Variants in RRP1B observed in about 807,000 individuals in gnomAD.
The protein encoded by RRP1B is ribosomal RNA processing 1B.
RRP1B carries 56 observed loss-of-function variants against 80.2 expected under a neutral mutation model. That is an observed-to-expected ratio of 0.70 (90% CI 0.56 to 0.87). The LOEUF (loss-of-function observed/expected upper bound fraction) is 0.87. RRP1B is among the 40% of genes least tolerant of loss of function. The pLI is 0.00. For synonymous variants in RRP1B, 351 were observed against 357.6 expected, an observed-to-expected ratio of 0.98 and a Z score of 0.21; for missense variants, 807 against 939.8, an observed-to-expected ratio of 0.86 and a Z score of 1.85.
chr21:43,664,037 C>T (rs1190676443), intron 1 of RRP1B, among the ~76,000 whole-genome samples: 1 of 152,144 alleles, frequency 6.6e-6, no homozygotes, highest in African/African-American at 2.4e-5. Context: ...CAGTAATGAG[C>T]ATTTCTCTCT....
rs1278250275 is a variant in RRP1B at position 43,687,855 on chromosome 21, C to T, written c.1481C>T (p.Pro494Leu). Residue 494 changes from proline (P) to leucine (L), a missense_variant, in exon 13 of 16, where the codon CCA (proline) becomes CTA (leucine). Transcript: ENST00000340648. ...REMLESAVLP[P>L]EDMSQSGPSG... ...ATGTTGGAATCAGCAGTGTTGCCCC[C>T]AGAGGACATGTCTCAGAGTGGCCCG... is the stretch of plus-strand genomic sequence containing the variant. 2.5e-6 allele frequency: 4 copies of T among 1,613,334 alleles called. No individual in the cohort carries two copies. In the Admixed American group the frequency reaches 6.7e-5, roughly 27 times the overall value.
chr21:43,690,776 C>G (rs1377455566), intron 14 of RRP1B, among the ~76,000 whole-genome samples: 1 of 152,204 alleles, frequency 6.6e-6, no homozygotes, highest in Non-Finnish European at 1.5e-5. Context: ...GAGGTCCACA[C>G]AGAAATGTGG....
rs1452121652 is a variant in RRP1B, at chr21:43,696,034, T to C, written c.*2651T>C. The C allele has an allele frequency of 6.6e-6, 1 of 152,176 alleles. No homozygotes were observed. The highest frequency in any genetic ancestry group is 1.5e-5 in the Non-Finnish European group (1 of 68,040). 9.4% of individuals were successfully genotyped at this position (152,176 alleles called of 1,614,324 possible). A position where few individuals can be genotyped will look rare whatever the true frequency, so the allele number is the denominator to read the frequency against. On this transcript the variant is annotated 3_prime_UTR_variant, in exon 16 of 16. Transcript: ENST00000340648. ...TAGTGTCTGCAGGGTTTGTCAGTAC[T>C]CGTCAAAGCCAAGTCCAATTAAAAA...
At chr21:43,661,440 C>T (rs1252153980) in intron 1 of RRP1B, among the ~76,000 whole-genome samples, 1 of 152,200 alleles carries the variant, frequency 6.6e-6, no homozygotes, top group Non-Finnish European at 1.5e-5. Flanking sequence ...CAGATTCCAG[C>T]CGGACACACG....
intron 1 of RRP1B, among the ~76,000 whole-genome samples, chr21:43,664,327 C>CA (rs11351123): frequency 7.3e-4 from 75 of 103,298 alleles, no homozygotes; most frequent in South Asian, 1.3e-3. Flanking sequence ...AACTCCGTCT[C>CA]AAAAAAAAAA....
intron 8 of RRP1B, among the ~76,000 whole-genome samples, chr21:43,681,893 G>A (rs375345578): frequency 2.0e-5 from 3 of 152,312 alleles, no homozygotes; most frequent in East Asian, 3.9e-4. Context: ...TGAGGCTGCC[G>A]TGAATCATGA....
rs752055404 is a variant in RRP1B at position 43,683,276 on chromosome 21, C to T, written c.797-3C>T. ...AATTTGGTCTTTGGGTATATTTTGA[C>T]AGCACTGGGCAAAAACCATTCCAGA... On this transcript the variant is annotated splice_polypyrimidine_tract_variant and splice_region_variant and intron_variant, in intron 8 of 15. Coordinates refer to ENST00000340648, the MANE Select transcript of RRP1B (RefSeq NM_015056.3). The T allele has an allele frequency of 1.9e-6, 3 of 1,612,922 alleles. No homozygotes were observed. Among genetic ancestry groups the T allele is most frequent in the African/African-American group, 2.7e-5 (2 of 74,868 alleles).
chr21:43,688,288 C>T (rs780132919), intron 13 of RRP1B, 48 bp downstream of exon 13: 21 of 1,479,778 alleles, frequency 1.4e-5, no homozygotes, highest in African/African-American at 2.8e-5. Context: ...GGCACTCACT[C>T]GCGTCCATGG....
intron 9 of RRP1B, among the ~76,000 whole-genome samples, chr21:43,684,157 T>C (rs2083054252): frequency 6.6e-6 from 1 of 150,386 alleles, no homozygotes; most frequent in South Asian, 2.1e-4. Flanking sequence ...CTGCAAGCTC[T>C]GCCTCCTGAG....
chr21:43,687,069 G>A, intron 12 of RRP1B, 134 bp downstream of exon 12: 3 of 1,042,872 alleles, frequency 2.9e-6, no homozygotes, highest in African/African-American at 1.6e-5. Context: ...TTTAATGGCT[G>A]AGAGGTAAAG....
At chr21:43,690,558 C>T in intron 14 of RRP1B, 118 bp downstream of exon 14, 1 of 1,139,754 alleles carries the variant, frequency 8.8e-7, no homozygotes, top group African/African-American at 1.5e-5. Context: ...TGAGCCTGTC[C>T]ACAGTGGACA....
chr21:43,690,868 G>A (rs2083083442), intron 14 of RRP1B, among the ~76,000 whole-genome samples: 1 of 152,212 alleles, frequency 6.6e-6, no homozygotes, highest in African/African-American at 2.4e-5. Flanking sequence ...GAAGATAGTT[G>A]ATTGTGGTGA....
chr21:43,671,143 G>A (rs980970428), intron 2 of RRP1B, among the ~76,000 whole-genome samples: 1 of 152,132 alleles, frequency 6.6e-6, no homozygotes, highest in African/African-American at 2.4e-5. Context: ...TCTCCCCAGA[G>A]TGAGCCTGCT....
chr21:43,693,261 C>T lies in RRP1B; in HGVS notation c.2155C>T (p.Gln719Ter). The change falls in exon 16 of 16, where the codon CAG becomes TAG. Residue 719 changes from glutamine (Q) to a stop codon, truncating the protein, a stop_gained. Transcript: ENST00000340648. LOFTEE classifies it low-confidence loss of function (END_TRUNC). This position sits in a 1 kb window ranked among gnomAD's most constrained non-coding sequence, Gnocchi z 4.1. ...TTCTCGAGTGGCCTTCGACCCTGAA[C>T]AGAAGCCCCTCCACGGGGTGCTGAA... ...GPSRVAFDPEQKPLHGVLKTP... is the reference protein window; with the variant it reads ...GPSRVAFDPE 6 of 1,614,058 alleles carry T rather than the reference C, an allele frequency of 3.7e-6. No individual in the cohort carries two copies. The highest frequency in any genetic ancestry group is 5.1e-6 in the Non-Finnish European group (6 of 1,180,004).
At chr21:43,667,735 C>T (rs1406538559) in intron 1 of RRP1B, among the ~76,000 whole-genome samples, 2 of 152,174 alleles carry the variant, frequency 1.3e-5, no homozygotes, top group African/African-American at 4.8e-5. Context: ...GGGTTTATTA[C>T]TCATACCATA....
Position 43,691,636 on chromosome 21 carries a change from TA to T in RRP1B, c.2083+135del, listed in dbSNP as rs202115080. 49,066 of 453,908 alleles carry T rather than the reference TA, an allele frequency of 0.11. 223 individuals are homozygous for T. Among genetic ancestry groups the T allele is most frequent in the East Asian group, 0.19 (4,632 of 24,394 alleles). 28.1% of individuals were successfully genotyped at this position (453,908 alleles called of 1,614,324 possible). Reference sequence around the variant, plus strand: ...TCCTCACTGCCCATTTCTTTATTTTTATTTTTTTTTTTTTTTTGAGACAGAG... The same window carrying T: ...TCCTCACTGCCCATTTCTTTATTTTTTTTTTTTTTTTTTTTTGAGACAGAG... On this transcript the variant is annotated intron_variant, in intron 15 of 15. Transcript: ENST00000340648. The surrounding 1 kb of genome is among the most constrained non-coding windows in gnomAD (Gnocchi z 4.2).
chr21:43,682,906 G>A (rs940269609), intron 8 of RRP1B, among the ~76,000 whole-genome samples: 8 of 152,086 alleles, frequency 5.3e-5, no homozygotes, highest in Admixed American at 2.6e-4. Flanking sequence ...ACGGAGTCTC[G>A]TTGTCGCCCG....
At chr21:43,683,842 C>T (rs1321482372) in intron 9 of RRP1B, among the ~76,000 whole-genome samples, 1 of 151,262 alleles carries the variant, frequency 6.6e-6, no homozygotes, top group East Asian at 2.0e-4. Flanking sequence ...AGCCCGACAC[C>T]GTGGCGCACG....
intron 1 of RRP1B, among the ~76,000 whole-genome samples, chr21:43,669,084 C>T (rs749051743): frequency 1.3e-5 from 2 of 152,076 alleles, no homozygotes; most frequent in South Asian, 2.1e-4. Context: ...AAATGATCAC[C>T]GTTACAGGGA....
Sources: gnomAD v4.1 joint callset for allele counts (sites outside exome capture counted in the v4.1 genomes callset) on GRCh38, gnomAD v4.1.1 for gene constraint, Gnocchi (gnomAD v3.1) non-coding constraint, MANE v1.5 for transcripts, NCBI Gene and HGNC (gene_info 2026-07-23, HGNC 2026-07-21) for gene names.